Variants in ITPKC observed in about 807,000 individuals in gnomAD.
ITPKC encodes inositol-trisphosphate 3-kinase C.
A neutral mutation model predicts 67.1 loss-of-function variants in ITPKC; 33 were observed. The observed-to-expected ratio is 0.49, with a 90% CI of 0.37 to 0.66. ITPKC has a LOEUF of 0.66. ITPKC is among the 30% of genes least tolerant of loss of function. The pLI is 0.00. For missense variants in ITPKC, 820 were observed against 892.1 expected, an observed-to-expected ratio of 0.92 and a Z score of 1.03; for synonymous variants, 341 against 359.8, an observed-to-expected ratio of 0.95 and a Z score of 0.59.
At position 40,725,393 on chromosome 19, in the gene ITPKC, C is replaced by T. The variant is rs1599649907; in HGVS notation, c.1209C>T (p.Val403=). The change falls in exon 2 of 7, where the codon GTC becomes GTT. Residue 403 remains valine (V), a synonymous_variant. Coordinates refer to ENST00000263370, the MANE Select transcript of ITPKC (RefSeq NM_025194.3). The part of the protein sequence containing the change: ...KTVLKYSPFV[V]SFRKHYPWVQ... ...TTCTGAAGTATTCACCCTTTGTGGT[C>T]TCCTTCCGAAAACACTACCCTTGGG... The T allele has an allele frequency of 6.2e-7, 1 of 1,613,986 alleles. No individual in the cohort carries two copies. Among genetic ancestry groups the T allele is most frequent in the East Asian group, 2.2e-5 (1 of 44,884 alleles).
At chr19:40,733,482 G>T (rs1288863832) in intron 4 of ITPKC, 118 bp downstream of exon 4, 13 of 928,068 alleles carry the variant, frequency 1.4e-5, no homozygotes. Context: ...AAAGGCTGGG[G>T]CTGGGGAAGC....
intron 2 of ITPKC, 83 bp downstream of exon 2, chr19:40,725,522 C>T: frequency 7.5e-6 from 7 of 939,078 alleles, no homozygotes; most frequent in South Asian, 6.6e-5. Context: ...AGTTCCCCCA[C>T]CTAGTGATGG....
chr19:40,729,460 G>A (rs1034303277), intron 3 of ITPKC, 45 bp downstream of exon 3: 1 of 1,540,580 alleles, frequency 6.5e-7, no homozygotes, highest in Non-Finnish European at 8.9e-7. Context: ...GGCAGGGGGT[G>A]GGCATTATTG....
chr19:40,730,095 C>A (rs527538394), intron 3 of ITPKC, among the ~76,000 whole-genome samples: 1 of 152,272 alleles, frequency 6.6e-6, no homozygotes, highest in South Asian at 2.1e-4. Context: ...CGCCACCACA[C>A]CTGGCTAATT....
At chr19:40,736,893 C>A in intron 4 of ITPKC, 93 bp from the exon 5 acceptor site, 1 of 763,118 alleles carries the variant, frequency 1.3e-6, no homozygotes. Context: ...TTGGCCACCG[C>A]GCCCGGCCTC....
chr19:40,728,320 G>T (rs1181192420), intron 2 of ITPKC, among the ~76,000 whole-genome samples: 1 of 152,036 alleles, frequency 6.6e-6, no homozygotes, highest in Non-Finnish European at 1.5e-5. Flanking sequence ...AGGAGCTTGA[G>T]GCTGCAGTGA....
At position 40,738,083 on chromosome 19, in the gene ITPKC, C is replaced by T. The variant is rs368612878; in HGVS notation, c.1848+314C>T. On this transcript the variant is annotated intron_variant, in intron 6 of 6. Transcript: ENST00000263370. ...CTGAGGCGGGCGGATCACTTGAGGT[C>T]GGGAGTTTGAGGCCAGCCTGGCCAA... is the stretch of plus-strand genomic sequence containing the variant. 1.8e-4 allele frequency among the ~76,000 whole-genome samples: 27 copies of T among 150,126 alleles called. 1 individual carries two copies. Among genetic ancestry groups the T allele is most frequent in the African/African-American group, 5.9e-4 (24 of 40,716 alleles).
intron 1 of ITPKC, among the ~76,000 whole-genome samples, chr19:40,719,183 T>C (rs1389057119): frequency 6.6e-6 from 1 of 152,132 alleles, no homozygotes; most frequent in Non-Finnish European, 1.5e-5. Flanking sequence ...TGAGCCCCGC[T>C]TCACCCCACA....
chr19:40,725,941 TAAAA>T (rs879347180), intron 2 of ITPKC, among the ~76,000 whole-genome samples: 1 of 142,930 alleles, frequency 7.0e-6, no homozygotes, highest in Non-Finnish European at 1.5e-5. Flanking sequence ...CCGTTTCAAT[TAAAA>T]AAAAAAAAAG....
chr19:40,727,288 AG>A (rs2082250414), intron 2 of ITPKC, among the ~76,000 whole-genome samples: 1 of 149,944 alleles, frequency 6.7e-6, no homozygotes, highest in South Asian at 2.1e-4. Flanking sequence ...GAGCCGAGAT[AG>A]CACCACTGCA....
rs1028017610 is a variant in ITPKC, at chr19:40,725,336, A to G, written c.1156-4A>G. ...CTGACCCCACCCTGCTCTGCTCCCT[A>G]CAGAGCAAACCCTGGAAGAAGCTGA... is the stretch of plus-strand genomic sequence containing the variant. On this transcript the variant is annotated splice_region_variant and splice_polypyrimidine_tract_variant and intron_variant, in intron 1 of 6. Transcript: ENST00000263370. 3 of 1,606,850 alleles carry G rather than the reference A, an allele frequency of 1.9e-6. No individual in the cohort carries two copies. The highest frequency in any genetic ancestry group is 3.3e-5 in the Admixed American group (2 of 60,000).
chr19:40,717,753 T>C lies in ITPKC; in HGVS notation c.618T>C (p.Thr206=). The change falls in exon 1 of 7, where the codon ACT becomes ACC. Residue 206 remains threonine (T), a synonymous_variant. Transcript: ENST00000263370. ...ACCAGAACAGTTCCAGCCTCCAGAC[T>C]CACCCAGAAGGAGCCTGTCCCTCAA... ...WTHQNSSSLQ[T]HPEGACPSKE... 1 of 1,613,830 alleles carries C rather than the reference T, an allele frequency of 6.2e-7. No individual in the cohort carries two copies. The highest frequency in any genetic ancestry group is 8.5e-7 in the Non-Finnish European group (1 of 1,179,904).
Position 40,739,732 on chromosome 19 carries a change from A to T in ITPKC, c.*172A>T. The T allele has an allele frequency of 3.3e-6, 2 of 600,572 alleles. No individual in the cohort carries two copies. Among genetic ancestry groups the T allele is most frequent in the Non-Finnish European group, 5.9e-6 (2 of 339,956 alleles). The allele number at this position is 600,572 out of a possible 1,614,324, so 37.2% of individuals were successfully genotyped here. On this transcript the variant is annotated 3_prime_UTR_variant, in exon 7 of 7. Coordinates refer to ENST00000263370, the MANE Select transcript of ITPKC (RefSeq NM_025194.3). ...GGAAAAGTCTGAAGGGCCTTGGGAG[A>T]CCAGGTAGCACCTGGCCCCATCATG... is the stretch of plus-strand genomic sequence containing the variant.
chr19:40,736,025 C>G (rs2082292635), intron 4 of ITPKC, among the ~76,000 whole-genome samples: 1 of 152,194 alleles, frequency 6.6e-6, no homozygotes, highest in Admixed American at 6.5e-5. Flanking sequence ...GGTGCAGTGG[C>G]TCACGCCAGT....
Position 40,718,166 on chromosome 19 carries a change from T to C in ITPKC, c.1031T>C (p.Val344Ala). Residue 344 changes from valine (V) to alanine (A), a missense_variant, in exon 1 of 7, where the codon GTG becomes GCG. This residue lies in a region of ITPKC where 481 missense variants were observed against 470.1 expected (regional missense o/e 1.02). Transcript: ENST00000263370. The stretch of plus-strand genomic sequence containing the variant: ...ACCCCTGAGCCTGAGGCCCAGCCAG[T>C]GGGACCCCCCTCCCGGGTTGAGGGG... ...PETPEPEAQP[V>A]GPPSRVEGGS... 6.3e-7 allele frequency: 1 copy of C among 1,594,282 alleles called. No individual in the cohort carries two copies. Among genetic ancestry groups the C allele is most frequent in the Non-Finnish European group, 8.5e-7 (1 of 1,170,476 alleles).
In ITPKC at chr19:40,739,515, C is replaced by T. The variant is rs763866389; in HGVS notation, c.2007C>T (p.Gly669=). ...ACCGTGAGGACGGCTACCTCTGGGGCCTGGACAACATGATCTGCCTCCTGC... is the reference window on the plus strand; with the variant it reads ...ACCGTGAGGACGGCTACCTCTGGGGTCTGGACAACATGATCTGCCTCCTGC... ...EGNREDGYLW[G]LDNMICLLQG... Residue 669 remains glycine, a synonymous_variant, in exon 7 of 7, where the codon GGC becomes GGT. Transcript: ENST00000263370. 1 of 1,613,694 alleles carries T rather than the reference C, an allele frequency of 6.2e-7. No individual in the cohort carries two copies. Among genetic ancestry groups the T allele is most frequent in the East Asian group, 2.2e-5 (1 of 44,874 alleles).
chr19:40,736,858 T>G, intron 4 of ITPKC, 128 bp from the exon 5 acceptor site: 1 of 552,190 alleles, frequency 1.8e-6, no homozygotes. Context: ...AGAGATGGGG[T>G]CTTGCTGTGT....
intron 1 of ITPKC, among the ~76,000 whole-genome samples, chr19:40,722,000 C>CA (rs5828078): frequency 0.47 from 67,139 of 142,428 alleles, 15,784 homozygotes; most frequent in South Asian, 0.6. Context: ...GATCCTGTCT[C>CA]AAAAAAAAAA....
In ITPKC at chr19:40,717,298, G is replaced by T. The variant is rs185356090; in HGVS notation, c.163G>T (p.Gly55Trp). The change falls in exon 1 of 7, where the codon GGG (glycine) becomes TGG (tryptophan). Residue 55 changes from glycine to tryptophan, a missense_variant. Transcript: ENST00000263370. ...AGGGGCCCCGGCGGGGCGGCCGGAG[G>T]GGGGCGGGCCCTGGGCCCGGACAGA... ...GAGAPAGRPE[G>W]GGPWARTEGS... The T allele has an allele frequency of 6.0e-5, 90 of 1,493,274 alleles. No individual in the cohort carries two copies. Among genetic ancestry groups the T allele is most frequent in the African/African-American group, 1.1e-4 (8 of 71,048 alleles). 92.5% of individuals were successfully genotyped at this position (1,493,274 alleles called of 1,614,324 possible).
Sources: gnomAD v4.1 joint callset for allele counts (sites outside exome capture counted in the v4.1 genomes callset) on GRCh38, gnomAD v4.1.1 for gene constraint, gnomAD v4.1.1 regional missense constraint, MANE v1.5 for transcripts, NCBI Gene and HGNC (gene_info 2026-07-23, HGNC 2026-07-21) for gene names.